GFOD1: variants seen among roughly 807,000 people sequenced by gnomAD.
GFOD1 encodes the protein glucose-fructose oxidoreductase domain-containing protein 1.
GFOD1 carries 9 observed loss-of-function variants against 25.4 expected under a neutral mutation model. The ratio of observed to expected loss-of-function variants is 0.35; its 90% CI spans 0.21 to 0.62. The LOEUF (loss-of-function observed/expected upper bound fraction) is 0.62, where lower values mean the gene tolerates loss of function less well. GFOD1 is among the 20% of genes least tolerant of loss of function. GFOD1 has a pLI of 0.72. For synonymous variants in GFOD1, 253 were observed against 245.6 expected (o/e 1.03, Z -0.28); for missense variants, 403 against 556.9 (o/e 0.72, Z 2.78).
At chr6:13,383,752 A>T (rs1189581420) in intron 1 of GFOD1, among the ~76,000 whole-genome samples, 1 of 152,224 alleles carries the variant, frequency 6.6e-6, no homozygotes, top group African/African-American at 2.4e-5. Flanking sequence ...AATGCCAACT[A>T]ACATCTAATA....
chr6:13,427,125 G>A (rs1295233685), intron 1 of GFOD1, among the ~76,000 whole-genome samples: 1 of 152,188 alleles, frequency 6.6e-6, no homozygotes, highest in Non-Finnish European at 1.5e-5. Flanking sequence ...GGATCACAAT[G>A]CACCTTTTTC....
At chr6:13,423,530 G>A (rs1786296334) in intron 1 of GFOD1, among the ~76,000 whole-genome samples, 1 of 152,234 alleles carries the variant, frequency 6.6e-6, no homozygotes, top group Non-Finnish European at 1.5e-5. Context: ...TTGAGGACCT[G>A]TCATGCGCAA....
chr6:13,475,904 A>G (rs1299283554), intron 1 of GFOD1, among the ~76,000 whole-genome samples: 1 of 152,212 alleles, frequency 6.6e-6, no homozygotes, highest in East Asian at 1.9e-4. Flanking sequence ...AGCCTGGGCA[A>G]TGGAGTGAGA....
chr6:13,380,685 G>A (rs558180338), intron 1 of GFOD1, among the ~76,000 whole-genome samples: 70 of 152,270 alleles, frequency 4.6e-4, no homozygotes, highest in African/African-American at 1.7e-3. Context: ...CAGGAAATAA[G>A]GAAGGCTTAG....
intron 1 of GFOD1, among the ~76,000 whole-genome samples, chr6:13,479,516 T>C (rs1272844150): frequency 6.6e-6 from 1 of 152,200 alleles, no homozygotes; most frequent in South Asian, 2.1e-4. Flanking sequence ...CTGAGTCAAA[T>C]ATATAACTAA....
At chr6:13,414,278 AG>A (rs1416785752) in intron 1 of GFOD1, among the ~76,000 whole-genome samples, 1 of 152,226 alleles carries the variant, frequency 6.6e-6, no homozygotes, top group Non-Finnish European at 1.5e-5. Flanking sequence ...ACATATTTGG[AG>A]ATGACTTGAG....
chr6:13,380,043 T>G (rs909918750), intron 1 of GFOD1, among the ~76,000 whole-genome samples: 14 of 152,194 alleles, frequency 9.2e-5, no homozygotes, highest in Non-Finnish European at 2.1e-4. Context: ...CCATGAAAAG[T>G]GCTCATAAAT....
rs1358599119 is a variant in GFOD1 at position 13,470,161 on chromosome 6, C to T, written c.253+16477G>A. 2.0e-6 allele frequency: 3 copies of T among 1,533,198 alleles called. No homozygotes were observed. The South Asian group carries it at 3.4e-5, about 17-fold the overall frequency. 95.0% of individuals were successfully genotyped at this position (1,533,198 alleles called of 1,614,324 possible). On this transcript the variant is annotated intron_variant, in intron 1 of 1. Coordinates refer to ENST00000379287, the MANE Select transcript of GFOD1 (RefSeq NM_018988.4). The stretch of plus-strand genomic sequence containing the variant: ...GGTGAATGTAGCCAGTGATGTCCCA[C>T]TGGCTTCCCCAGCACCTGCGCGCGA...
At chr6:13,371,287 G>A (rs974649545) in intron 1 of GFOD1, among the ~76,000 whole-genome samples, 6 of 152,160 alleles carry the variant, frequency 3.9e-5, no homozygotes, top group African/African-American at 1.4e-4. Context: ...AAAGAATACT[G>A]CCCTAGGTCA....
intron 1 of GFOD1, chr6:13,470,424 T>C: frequency 8.4e-6 from 13 of 1,550,014 alleles, no homozygotes; most frequent in Non-Finnish European, 1.1e-5. Flanking sequence ...TGTGAACGGC[T>C]GTGCATATTA....
intron 1 of GFOD1, among the ~76,000 whole-genome samples, chr6:13,396,595 T>A (rs1785737937): frequency 6.6e-6 from 1 of 152,080 alleles, no homozygotes; most frequent in Non-Finnish European, 1.5e-5. Context: ...AAGTTAAGGA[T>A]CATGAACTGG....
rs751792935 is a variant in GFOD1, at chr6:13,430,971, C to A, written c.253+55667G>T. 6.6e-6 allele frequency among the ~76,000 whole-genome samples: 1 copy of A among 152,338 alleles called. No individual in the cohort carries two copies. Among genetic ancestry groups the A allele is most frequent in the Admixed American group, 6.5e-5 (1 of 15,300 alleles). On this transcript the variant is annotated intron_variant, in intron 1 of 1. Transcript: ENST00000379287. The surrounding 1 kb of genome is among the most constrained non-coding windows in gnomAD (Gnocchi z 4.1). ...CTTCATCTCATTTGATATTCACTGC[C>A]ATATTTATACATCGGGAAACCGAGG...
rs1207044094 is a variant in GFOD1, at chr6:13,384,183, G to A, written c.254-18521C>T. On this transcript the variant is annotated intron_variant, in intron 1 of 1. Transcript: ENST00000379287. ...GGAGGTTGCAGTGAGCCGAGATCAC[G>A]CCACTTCACTCCAGCCTGGGTGACA... is the stretch of plus-strand genomic sequence containing the variant. Among the ~76,000 whole-genome samples, 4 of 152,170 alleles carry A rather than the reference G, an allele frequency of 2.6e-5. No individual in the cohort carries two copies. In the East Asian group the frequency reaches 5.8e-4, roughly 22 times the overall value.
In GFOD1 at chr6:13,420,827, T is replaced by G. The variant is rs1786243640; in HGVS notation, c.254-55165A>C. 2.0e-5 allele frequency among the ~76,000 whole-genome samples: 3 copies of G among 152,222 alleles called. No individual in the cohort carries two copies. In the South Asian group the frequency reaches 6.2e-4, roughly 32 times the overall value. On this transcript the variant is annotated intron_variant, in intron 1 of 1. Coordinates refer to ENST00000379287, the MANE Select transcript of GFOD1 (RefSeq NM_018988.4). ...TTTGTGAGGGAGTATAACATGGCAC[T>G]AAAGCAGGTTGTGATGTGTTTCAAG... is the stretch of plus-strand genomic sequence containing the variant.
At position 13,360,945 on chromosome 6, in the gene GFOD1, T is replaced by C. The variant is rs1029607427; in HGVS notation, c.*3798A>G. ...AATGACCTCATTTCTGCCTAACAGT[T>C]GTGTGACTTTGAACAAGTTCCTCTT... On this transcript the variant is annotated 3_prime_UTR_variant, in exon 2 of 2. Transcript: ENST00000379287. The C allele has an allele frequency of 6.9e-6, 3 of 433,970 alleles. No homozygotes were observed. The highest frequency in any genetic ancestry group is 3.7e-4 in the Middle Eastern group (1 of 2,696). 26.9% of individuals were successfully genotyped at this position (433,970 alleles called of 1,614,324 possible). A position where few individuals can be genotyped will look rare whatever the true frequency, so the allele number is the denominator to read the frequency against.
intron 1 of GFOD1, among the ~76,000 whole-genome samples, chr6:13,400,284 C>T (rs1247522477): frequency 6.6e-6 from 1 of 152,086 alleles, no homozygotes; most frequent in Non-Finnish European, 1.5e-5. Context: ...CCCTGAAATG[C>T]CTGAATATCT....
At chr6:13,486,104 G>C in intron 1 of GFOD1, 1 of 986,988 alleles carries the variant, frequency 1.0e-6, no homozygotes, top group Non-Finnish European at 1.2e-6. Context: ...GACCCTAGCA[G>C]GGCGCCACCG....
At chr6:13,423,246 TGATGTTAA>T (rs1164620618) in intron 1 of GFOD1, among the ~76,000 whole-genome samples, 1 of 139,428 alleles carries the variant, frequency 7.2e-6, no homozygotes, top group African/African-American at 3.4e-5. Context: ...TACAATGTTT[TGATGTTAA>T]GATGGGTTTA....
intron 1 of GFOD1, among the ~76,000 whole-genome samples, chr6:13,474,870 C>T (rs1430466203): frequency 6.6e-6 from 1 of 152,172 alleles, no homozygotes; most frequent in Non-Finnish European, 1.5e-5. Context: ...GGCATGAGCA[C>T]CCCTCACCTG....
Sources: allele counts gnomAD v4.1 joint callset (sites outside exome capture counted in the v4.1 genomes callset), GRCh38; gene constraint gnomAD v4.1.1; non-coding constraint Gnocchi (gnomAD v3.1); transcripts MANE v1.5; gene names NCBI Gene and HGNC (gene_info 2026-07-23, HGNC 2026-07-21).